Variants in KHDRBS2 observed in about 807,000 individuals in gnomAD.
KHDRBS2 encodes KH RNA binding domain containing, signal transduction associated 2.
Under a neutral mutation model 44.3 loss-of-function variants are expected in KHDRBS2, and 26 were observed. That is an observed-to-expected ratio of 0.59 (90% CI 0.43 to 0.81). The LOEUF is 0.81. Ranked by LOEUF, KHDRBS2 falls within the 40% of genes least tolerant of loss-of-function variation. The probability of loss-of-function intolerance (pLI) is 0.00; values close to 1 mark genes in which losing one functional copy is unlikely to be tolerated. For synonymous variants in KHDRBS2, 194 were observed against 151.1 expected, an observed-to-expected ratio of 1.28 and a Z score of -2.08; for missense variants, 476 against 433.1, an observed-to-expected ratio of 1.10 and a Z score of -0.88.
At chr6:61,650,134 T>G in the KHDRBS2 span, among the ~76,000 whole-genome samples, 1 of 152,158 alleles carries the variant, frequency 6.6e-6, no homozygotes, top group Non-Finnish European at 1.5e-5. Flanking sequence ...GCTCCAGCAA[T>G]TTGAGTGACT....
chr6:61,848,524 TATATATAC>T (rs1562294555), intron 6 of KHDRBS2, among the ~76,000 whole-genome samples: 1 of 62,734 alleles, frequency 1.6e-5, no homozygotes. Context: ...TATATGTATA[TATATATAC>T]ATATATATGT....
the KHDRBS2 span, among the ~76,000 whole-genome samples, chr6:61,628,330 C>A: frequency 2.1e-5 from 3 of 145,976 alleles, no homozygotes; most frequent in African/African-American, 7.6e-5. Flanking sequence ...CTTCCTCACA[C>A]TCTCTTCAAA....
the KHDRBS2 span, among the ~76,000 whole-genome samples, chr6:61,627,276 A>G: frequency 6.8e-6 from 1 of 148,036 alleles, no homozygotes; most frequent in Admixed American, 6.8e-5. Flanking sequence ...AAAAAAAAAA[A>G]AAAAAAGAAT....
At chr6:61,643,210 A>G in the KHDRBS2 span, among the ~76,000 whole-genome samples, 2 of 152,190 alleles carry the variant, frequency 1.3e-5, no homozygotes, top group Non-Finnish European at 2.9e-5. Context: ...ATTTGATATG[A>G]AAAATTTCTT....
At chr6:61,595,896 A>T in the KHDRBS2 span, among the ~76,000 whole-genome samples, 1 of 151,980 alleles carries the variant, frequency 6.6e-6, no homozygotes, top group African/African-American at 2.4e-5. Flanking sequence ...AATTACTGAA[A>T]ATAATTTTGA....
At chr6:62,175,078 A>C (rs1820811406) in intron 2 of KHDRBS2, among the ~76,000 whole-genome samples, 1 of 151,660 alleles carries the variant, frequency 6.6e-6, no homozygotes, top group Non-Finnish European at 1.5e-5. Context: ...ATAATAAGAC[A>C]TAGTTTGTTT....
intron 2 of KHDRBS2, among the ~76,000 whole-genome samples, chr6:62,146,950 C>A (rs1223918961): frequency 2.0e-5 from 3 of 151,914 alleles, no homozygotes; most frequent in African/African-American, 7.2e-5. Context: ...GCAGCTCCCA[C>A]TGTAAAAGGT....
At chr6:61,875,503 C>T (rs1799288542) in intron 6 of KHDRBS2, among the ~76,000 whole-genome samples, 1 of 152,120 alleles carries the variant, frequency 6.6e-6, no homozygotes, top group Admixed American at 6.6e-5. Context: ...AATTATACAA[C>T]CTACACTGTC....
At chr6:62,123,689 C>T (rs1808259217) in intron 2 of KHDRBS2, among the ~76,000 whole-genome samples, 1 of 152,094 alleles carries the variant, frequency 6.6e-6, no homozygotes, top group Admixed American at 6.5e-5. Flanking sequence ...AGCATTAGGC[C>T]ATAAATATGA....
chr6:62,256,380 G>C (rs1837395289), intron 1 of KHDRBS2, among the ~76,000 whole-genome samples: 1 of 151,936 alleles, frequency 6.6e-6, no homozygotes. Context: ...GTTGTTGTGG[G>C]AGGGACCCAG....
chr6:61,771,897 C>T (rs1280469105), intron 6 of KHDRBS2, among the ~76,000 whole-genome samples: 3 of 152,150 alleles, frequency 2.0e-5, no homozygotes, highest in African/African-American at 7.2e-5. Context: ...CTTTTCAGCA[C>T]CACACCACAC....
At position 62,182,268 on chromosome 6, in the gene KHDRBS2, T is replaced by C. The variant is rs113510799; in HGVS notation, c.92-4956A>G. On this transcript the variant is annotated intron_variant, in intron 1 of 8. Coordinates refer to ENST00000281156, the MANE Select transcript of KHDRBS2 (RefSeq NM_152688.4). ...TATGAGGAATCTACAATAGTCAAAC[T>C]CATAGAAGCAAGAAGTATGGTGATG... 5.3e-5 allele frequency among the ~76,000 whole-genome samples: 8 copies of C among 152,058 alleles called. 1 individual carries two copies. The highest frequency in any genetic ancestry group is 3.3e-4 in the Admixed American group (5 of 15,238).
At chr6:61,752,049 G>T (rs1777779979) in intron 6 of KHDRBS2, among the ~76,000 whole-genome samples, 1 of 152,012 alleles carries the variant, frequency 6.6e-6, no homozygotes, top group South Asian at 2.1e-4. Flanking sequence ...TCTCTTTAAA[G>T]GCCCTGTCTC....
chr6:61,950,325 C>G (rs1484320495), intron 4 of KHDRBS2, among the ~76,000 whole-genome samples: 2 of 152,044 alleles, frequency 1.3e-5, no homozygotes, highest in South Asian at 4.1e-4. Context: ...GTAATCACTA[C>G]TGATATCACC....
At chr6:62,104,396 C>T (rs973806220) in intron 2 of KHDRBS2, among the ~76,000 whole-genome samples, 5 of 152,042 alleles carry the variant, frequency 3.3e-5, no homozygotes, top group African/African-American at 1.2e-4. Flanking sequence ...CACCCACTAA[C>T]TCGTCATCTA....
In KHDRBS2 at chr6:62,197,007, T is replaced by TA. The variant is rs1825845680; in HGVS notation, c.92-19696dup. On this transcript the variant is annotated intron_variant, in intron 1 of 8. Transcript: ENST00000281156. ...TACTTTGCCCTCTAGCACTGCAGTA[T>TA]AAAAATCACAGTGTAGTATAAAAAT... Among the ~76,000 whole-genome samples the TA allele has an allele frequency of 2.0e-5, 3 of 152,014 alleles. No individual in the cohort carries two copies. The South Asian group carries it at 6.2e-4, about 31-fold the overall frequency.
rs113430868 is a variant in KHDRBS2, at chr6:61,917,607, T to G, written c.484-16236A>C. Among the ~76,000 whole-genome samples the G allele has an allele frequency of 2.6e-5, 4 of 152,012 alleles. No individual in the cohort carries two copies. In the East Asian group the frequency reaches 7.7e-4, roughly 29 times the overall value. The stretch of plus-strand genomic sequence containing the variant: ...GCCCAAACCCAAAGAATGTACAACA[T>G]TCACAATAAGCCCTAATGTAAACTA... On this transcript the variant is annotated intron_variant, in intron 4 of 8. Coordinates refer to ENST00000281156, the MANE Select transcript of KHDRBS2 (RefSeq NM_152688.4).
chr6:61,956,846 G>A (rs1767452565), intron 4 of KHDRBS2, among the ~76,000 whole-genome samples: 1 of 151,912 alleles, frequency 6.6e-6, no homozygotes, highest in Admixed American at 6.6e-5. Context: ...TTTAAGGTCT[G>A]AGTTAAGTCG....
intron 2 of KHDRBS2, among the ~76,000 whole-genome samples, chr6:62,167,836 TGAGTCGTAGTTTCCATAG>T (rs1270841147): frequency 6.6e-6 from 1 of 152,204 alleles, no homozygotes; most frequent in Middle Eastern, 3.2e-3. Flanking sequence ...TATTTGGCTT[TGAGTCGTAGTTTCCATAG>T]GAGTCGTAGT....
Sources: gnomAD v4.1 joint callset for allele counts (sites outside exome capture counted in the v4.1 genomes callset) on GRCh38, gnomAD v4.1.1 for gene constraint, MANE v1.5 for transcripts, NCBI Gene and HGNC (gene_info 2026-07-23, HGNC 2026-07-21) for gene names.